Variants in RPH3AL observed in about 807,000 individuals in gnomAD.
RPH3AL encodes rabphilin 3A like (without C2 domains), also known as rab effector Noc2.
A neutral mutation model predicts 43.1 loss-of-function variants in RPH3AL; 38 were observed. The ratio of observed to expected loss-of-function variants is 0.88; its 90% confidence interval spans 0.68 to 1.15. The LOEUF is 1.15. Ranked by LOEUF, RPH3AL falls within the 50% of genes most tolerant of loss-of-function variation. The pLI is 0.00. For missense variants in RPH3AL, 462 were observed against 423.2 expected (o/e 1.09, Z -0.81); for synonymous variants, 189 against 176.3 (o/e 1.07, Z -0.57).
rs2044401133 is a variant in RPH3AL at position 319,550 on chromosome 17, C to T, written c.222-1G>A. 1 of 1,610,518 alleles carries T rather than the reference C, an allele frequency of 6.2e-7. No homozygotes were observed. Among genetic ancestry groups the T allele is most frequent in the African/African-American group, 1.3e-5 (1 of 74,896 alleles). On this transcript the variant is annotated splice_acceptor_variant, in intron 4 of 9. Coordinates refer to ENST00000331302, the MANE Select transcript of RPH3AL (RefSeq NM_006987.4). LOFTEE classifies it high-confidence loss of function. The stretch of plus-strand genomic sequence containing the variant: ...GGTCTCCAGCCGCTCCACCAGCCGC[C>T]TGCAGCACAGGACACAGAGTCAGAG...
intron 6 of RPH3AL, among the ~76,000 whole-genome samples, chr17:277,302 C>G (rs930863369): frequency 6.6e-6 from 1 of 152,150 alleles, no homozygotes; most frequent in South Asian, 2.1e-4. Context: ...TTGGAATATA[C>G]TAAATATTAA....
In RPH3AL at chr17:290,660, ATGCCCAGGC is replaced by A. The variant is rs144980042; in HGVS notation, c.352-8815_352-8807del. On this transcript the variant is annotated intron_variant, in intron 5 of 9. Transcript: ENST00000331302. The surrounding 1 kb of genome is among the most constrained non-coding windows in gnomAD (Gnocchi z 4.2). ...GGCCACTCCAAAGTTCAGGTACTTC[ATGCCCAGGC>A]TGGCCTTTGAGTCCTCACCGATCCA... Among the ~76,000 whole-genome samples, 2,487 of 152,224 alleles carry A rather than the reference ATGCCCAGGC, an allele frequency of 0.016. 70 individuals carry two copies. The highest frequency in any genetic ancestry group is 0.057 in the African/African-American group (2,365 of 41,530).
chr17:215,607 C>T lies in RPH3AL; in HGVS notation c.876+47G>A, dbSNP rs373231950. Reference sequence around the variant, plus strand: ...TGGGAGGAGTGAGTGAGAGAGGACACGGCCGCGGGGGCAGGAGAGGGGAGA... The same window carrying T: ...TGGGAGGAGTGAGTGAGAGAGGACATGGCCGCGGGGGCAGGAGAGGGGAGA... On this transcript the variant is annotated intron_variant, in intron 9 of 9. Coordinates refer to ENST00000331302, the MANE Select transcript of RPH3AL (RefSeq NM_006987.4). This position sits in a 1 kb window ranked among gnomAD's most constrained non-coding sequence, Gnocchi z 4.1. 68 of 1,253,802 alleles carry T rather than the reference C, an allele frequency of 5.4e-5. No homozygotes were observed. The highest frequency in any genetic ancestry group is 3.1e-4 in the Middle Eastern group (1 of 3,254). 77.7% of individuals were successfully genotyped at this position (1,253,802 alleles called of 1,614,324 possible).
intron 6 of RPH3AL, among the ~76,000 whole-genome samples, chr17:271,151 C>A (rs1350629681): frequency 6.6e-6 from 1 of 152,166 alleles, no homozygotes; most frequent in East Asian, 1.9e-4. Context: ...GTTTTGGTAC[C>A]AGTACCATGC....
rs1261419277 is a variant in RPH3AL, at chr17:323,603, T to A, written c.78-2188A>T. 6.6e-6 allele frequency among the ~76,000 whole-genome samples: 1 copy of A among 151,994 alleles called. No homozygotes were observed. Among genetic ancestry groups the A allele is most frequent in the African/African-American group, 2.4e-5 (1 of 41,354 alleles). Reference sequence around the variant, plus strand: ...AGCCAGGGCCCCCAGGTTCAGGGAATCACCACTCCCTCCACCCTCCAGCTA... The same window carrying A: ...AGCCAGGGCCCCCAGGTTCAGGGAAACACCACTCCCTCCACCCTCCAGCTA... On this transcript the variant is annotated intron_variant, in intron 3 of 9. Coordinates refer to ENST00000331302, the MANE Select transcript of RPH3AL (RefSeq NM_006987.4). The surrounding 1 kb of genome is among the most constrained non-coding windows in gnomAD (Gnocchi z 4.4).
At chr17:273,549 TCAGGGAGAGACCCCAGCGAGGGTGACG>T (rs1359410211) in intron 6 of RPH3AL, among the ~76,000 whole-genome samples, 1 of 120,856 alleles carries the variant, frequency 8.3e-6, no homozygotes, top group African/African-American at 3.1e-5. Flanking sequence ...GAGGGTGACG[TCAGGGAGAGACCCCAGCGAGGGTGACG>T]TCAGGGTGAG....
chr17:225,227 C>T lies in RPH3AL; in HGVS notation c.614-5491G>A, dbSNP rs187180082. Among the ~76,000 whole-genome samples, 389 of 152,098 alleles carry T rather than the reference C, an allele frequency of 2.6e-3. 5 individuals are homozygous for T. The highest frequency in any genetic ancestry group is 9.2e-3 in the African/African-American group (383 of 41,488). On this transcript the variant is annotated intron_variant, in intron 7 of 9. Transcript: ENST00000331302. This position sits in a 1 kb window ranked among gnomAD's most constrained non-coding sequence, Gnocchi z 4.4. Reference sequence around the variant, plus strand: ...CTGCTCCCCAGGAAGAGTTCTACTCCGGCTCCTTGGACTTTTATGATGCCG... The same window carrying T: ...CTGCTCCCCAGGAAGAGTTCTACTCTGGCTCCTTGGACTTTTATGATGCCG...
intron 5 of RPH3AL, among the ~76,000 whole-genome samples, chr17:298,424 C>T (rs140720758): frequency 1.6e-3 from 251 of 152,248 alleles, no homozygotes; most frequent in Non-Finnish European, 2.7e-3. Flanking sequence ...AGGCTGGGCA[C>T]GGTGGCTCAC....
rs1257930416 is a variant in RPH3AL, at chr17:215,667, G to A, written c.863C>T (p.Thr288Ile). 7.8e-7 allele frequency: 1 copy of A among 1,277,852 alleles called. No homozygotes were observed. Among genetic ancestry groups the A allele is most frequent in the Non-Finnish European group, 9.9e-7 (1 of 1,007,266 alleles). 79.2% of individuals were successfully genotyped at this position (1,277,852 alleles called of 1,614,324 possible). A position where few individuals can be genotyped will look rare whatever the true frequency, so the allele number is the denominator to read the frequency against. ...DPPGGPRPGL[T>I]RRAPVKDTPG... is the part of the protein sequence containing the mutation. Reference sequence around the variant, plus strand: ...TTGGGTACTCACCGGGGCCCTTCGGGTCAGCCCGGGGCGGGGTCCCCCTGG... The same window carrying A: ...TTGGGTACTCACCGGGGCCCTTCGGATCAGCCCGGGGCGGGGTCCCCCTGG... Residue 288 changes from threonine (T) to isoleucine (I), a missense_variant, in exon 9 of 10, where the codon ACC (threonine) becomes ATC (isoleucine). By Grantham distance (89) the Thr-to-Ile change is moderately conservative (BLOSUM62 -1). Coordinates refer to ENST00000331302, the MANE Select transcript of RPH3AL (RefSeq NM_006987.4). This position sits in a 1 kb window ranked among gnomAD's most constrained non-coding sequence, Gnocchi z 4.1.
At chr17:278,687 C>A (rs1378752774) in intron 6 of RPH3AL, among the ~76,000 whole-genome samples, 2 of 152,312 alleles carry the variant, frequency 1.3e-5, no homozygotes, top group Admixed American at 6.5e-5. Context: ...GACTTGATCA[C>A]CGTCTGTGAC....
In RPH3AL at chr17:319,336, T is replaced by G. The variant is rs561889935; in HGVS notation, c.351+84A>C. On this transcript the variant is annotated intron_variant, in intron 5 of 9. Transcript: ENST00000331302. The stretch of plus-strand genomic sequence containing the variant: ...TGCCCAACGCAGACATACACACTCC[T>G]GGGAGCCAGGATGCAAAGCCACAGC... The G allele has an allele frequency of 3.3e-6, 5 of 1,515,518 alleles. No individual in the cohort carries two copies. In the South Asian group the frequency reaches 6.2e-5, roughly 19 times the overall value. The allele number at this position is 1,515,518 out of a possible 1,614,324, so 93.9% of individuals were successfully genotyped here.
At chr17:294,396 G>C (rs1467703680) in intron 5 of RPH3AL, among the ~76,000 whole-genome samples, 3 of 152,222 alleles carry the variant, frequency 2.0e-5, no homozygotes, top group Non-Finnish European at 4.4e-5. Flanking sequence ...CGAGGCTGCA[G>C]TGAGTTGTGA....
intron 6 of RPH3AL, among the ~76,000 whole-genome samples, chr17:271,491 C>T (rs1213794668): frequency 3.3e-5 from 5 of 152,204 alleles, no homozygotes; most frequent in Admixed American, 1.3e-4. Context: ...AGGTCCTTCA[C>T]ATCCTTTGTA....
chr17:330,064 C>T (rs149502755), intron 2 of RPH3AL, among the ~76,000 whole-genome samples: 145 of 152,350 alleles, frequency 9.5e-4, no homozygotes, highest in African/African-American at 3.2e-3. Flanking sequence ...TGTTGGGGGA[C>T]CCCCAGAGAG....
intron 5 of RPH3AL, among the ~76,000 whole-genome samples, chr17:296,914 C>T (rs1294201032): frequency 6.6e-6 from 1 of 152,190 alleles, no homozygotes; most frequent in East Asian, 1.9e-4. Flanking sequence ...CCAGAATCAT[C>T]CCCTTCAAGC....
intron 5 of RPH3AL, among the ~76,000 whole-genome samples, chr17:306,118 C>T (rs1162080775): frequency 6.6e-6 from 1 of 151,442 alleles, no homozygotes; most frequent in Non-Finnish European, 1.5e-5. Flanking sequence ...ACCTTGGCCT[C>T]CCAAAGTGCT....
intron 6 of RPH3AL, among the ~76,000 whole-genome samples, chr17:268,395 G>C (rs1370047270): frequency 6.6e-6 from 1 of 151,754 alleles, no homozygotes; most frequent in African/African-American, 2.4e-5. Context: ...CTTTTCTCTA[G>C]CTTATTTTAT....
At chr17:321,467 G>A (rs755642597) in intron 3 of RPH3AL, 52 bp from the exon 4 acceptor site, 162 of 1,504,324 alleles carry the variant, frequency 1.1e-4, no homozygotes, top group African/African-American at 2.5e-4. Flanking sequence ...TGCAAACTCC[G>A]GCAGCCCCTA....
rs374744006 is a variant in RPH3AL at position 298,241 on chromosome 17, G to C, written c.352-16387C>G. On this transcript the variant is annotated intron_variant, in intron 5 of 9. Coordinates refer to ENST00000331302, the MANE Select transcript of RPH3AL (RefSeq NM_006987.4). Reference sequence around the variant, plus strand: ...GCTCTGCCCCCACCAGCTCAGTGTGGGGTGCTGGGGCCCCTCAGTAGCCCT... The same window carrying C: ...GCTCTGCCCCCACCAGCTCAGTGTGCGGTGCTGGGGCCCCTCAGTAGCCCT... Among the ~76,000 whole-genome samples the C allele has an allele frequency of 2.0e-4, 30 of 152,324 alleles. 1 individual carries two copies. The East Asian group carries it at 5.6e-3, about 28-fold the overall frequency.
Sources: gnomAD v4.1 joint callset for allele counts (sites outside exome capture counted in the v4.1 genomes callset) on GRCh38, gnomAD v4.1.1 for gene constraint, Gnocchi (gnomAD v3.1) non-coding constraint, MANE v1.5 for transcripts, NCBI Gene and HGNC (gene_info 2026-07-23, HGNC 2026-07-21) for gene names.